The following DACH1 variants were observed in gnomAD, a reference collection of about 807,000 sequenced individuals.
DACH1 encodes the protein dachshund homolog 1.
A neutral mutation model predicts 54.2 loss-of-function variants in DACH1; 12 were observed. That is an observed-to-expected ratio of 0.22 (90% confidence interval 0.14 to 0.36). The LOEUF is 0.36. Among genes scored for constraint, DACH1 ranks in the 10% least tolerant of loss-of-function variants. The pLI is 1.00. For synonymous variants in DACH1, 386 were observed against 366.2 expected, an observed-to-expected ratio of 1.05 and a Z score of -0.62; for missense variants, 805 against 929.8, an observed-to-expected ratio of 0.87 and a Z score of 1.75.
intron 1 of DACH1, among the ~76,000 whole-genome samples, chr13:71,792,917 C>T (rs1339515698): frequency 6.6e-6 from 1 of 152,068 alleles, no homozygotes. Context: ...AGGTAAGTAG[C>T]CTACAGTGGA....
chr13:71,807,404 A>G lies in DACH1; in HGVS notation c.848+58518T>C, dbSNP rs2138141489. On this transcript the variant is annotated intron_variant, in intron 1 of 10. Coordinates refer to ENST00000613252, the MANE Select transcript of DACH1 (RefSeq NM_080759.6). ...TGTCATTTTATAACGTTCTGTCAGT[A>G]TTTATCACAGATTGCAAAAAAAAAA... Among the ~76,000 whole-genome samples the G allele has an allele frequency of 2.5e-5, 3 of 120,874 alleles. No individual in the cohort carries two copies. In the Middle Eastern group the frequency reaches 0.016, roughly 636 times the overall value. The allele number at this position is 120,874 out of a possible 152,430, so 79.3% of individuals were successfully genotyped here. A position where few individuals can be genotyped will look rare whatever the true frequency, so the allele number is the denominator to read the frequency against.
chr13:71,712,455 C>T (rs1331711299), intron 1 of DACH1, among the ~76,000 whole-genome samples: 1 of 152,010 alleles, frequency 6.6e-6, no homozygotes, highest in Non-Finnish European at 1.5e-5. Flanking sequence ...TTTATAGGCT[C>T]AGAGGACAAA....
At chr13:71,610,096 GA>G (rs554449080) in intron 3 of DACH1, among the ~76,000 whole-genome samples, 25 of 148,826 alleles carry the variant, frequency 1.7e-4, no homozygotes, top group East Asian at 2.0e-4. Flanking sequence ...TACACTGATA[GA>G]AAAAAAAAAT....
At chr13:71,613,297 A>G (rs1027683400) in intron 3 of DACH1, among the ~76,000 whole-genome samples, 1 of 152,314 alleles carries the variant, frequency 6.6e-6, no homozygotes, top group Admixed American at 6.5e-5. Context: ...GGAAGAATGA[A>G]AAGGGGAAGA....
At chr13:71,806,098 T>C (rs1444250738) in intron 1 of DACH1, among the ~76,000 whole-genome samples, 1 of 152,180 alleles carries the variant, frequency 6.6e-6, no homozygotes, top group African/African-American at 2.4e-5. Context: ...TCAGCCACTG[T>C]ACCTGGCCAA....
intron 2 of DACH1, among the ~76,000 whole-genome samples, chr13:71,671,195 T>C (rs951217086): frequency 1.1e-4 from 16 of 151,912 alleles, no homozygotes; most frequent in African/African-American, 3.9e-4. Context: ...TTTCCTCCTA[T>C]TGACTAATTT....
intron 7 of DACH1, among the ~76,000 whole-genome samples, chr13:71,479,518 T>C (rs892521199): frequency 2.0e-5 from 3 of 152,138 alleles, no homozygotes; most frequent in Non-Finnish European, 4.4e-5. Flanking sequence ...AAGACAAATA[T>C]TTATGGCATG....
At chr13:71,774,364 T>A (rs1211865181) in intron 1 of DACH1, among the ~76,000 whole-genome samples, 1 of 152,126 alleles carries the variant, frequency 6.6e-6, no homozygotes. Context: ...GTTATCAACA[T>A]GCAAATAGAC....
chr13:71,450,887 G>A (rs1181934431), intron 10 of DACH1, among the ~76,000 whole-genome samples: 1 of 152,136 alleles, frequency 6.6e-6, no homozygotes, highest in Non-Finnish European at 1.5e-5. Context: ...GGTTAAGAGA[G>A]AGGGTATTAA....
chr13:71,481,361 A>T (rs2138186387), intron 7 of DACH1, among the ~76,000 whole-genome samples: 1 of 152,342 alleles, frequency 6.6e-6, no homozygotes, highest in Middle Eastern at 3.4e-3. Flanking sequence ...TTTAAATGTG[A>T]AACAATCATT....
At chr13:71,605,769 CAG>C (rs1376276999) in intron 3 of DACH1, among the ~76,000 whole-genome samples, 1 of 151,812 alleles carries the variant, frequency 6.6e-6, no homozygotes, top group Non-Finnish European at 1.5e-5. Flanking sequence ...TTTCCCCATG[CAG>C]AGTCTAGAAA....
intron 2 of DACH1, among the ~76,000 whole-genome samples, chr13:71,635,390 C>T (rs1416161666): frequency 6.6e-6 from 1 of 152,078 alleles, no homozygotes; most frequent in African/African-American, 2.4e-5. Context: ...TTCTCAAATC[C>T]CTTCCAATTT....
chr13:71,617,729 T>A (rs1875889370), intron 3 of DACH1, among the ~76,000 whole-genome samples: 1 of 152,176 alleles, frequency 6.6e-6, no homozygotes, highest in Non-Finnish European at 1.5e-5. Context: ...AGTACAGATA[T>A]AAATAAAGCT....
intron 3 of DACH1, among the ~76,000 whole-genome samples, chr13:71,584,491 C>A (rs1873084149): frequency 6.6e-6 from 1 of 151,992 alleles, no homozygotes; most frequent in Non-Finnish European, 1.5e-5. Context: ...CTTGTGTGTG[C>A]AAATTACTAT....
intron 6 of DACH1, among the ~76,000 whole-genome samples, chr13:71,527,167 A>G (rs948592397): frequency 7.2e-5 from 11 of 151,762 alleles, no homozygotes; most frequent in African/African-American, 2.4e-4. Context: ...CAATTATTTA[A>G]ATTAGTAAAT....
intron 10 of DACH1, among the ~76,000 whole-genome samples, chr13:71,458,506 A>AG (rs1228981135): frequency 1.3e-5 from 2 of 151,850 alleles, no homozygotes; most frequent in African/African-American, 2.4e-5. Context: ...TACATCTCTT[A>AG]GGGAAAAAAT....
intron 3 of DACH1, among the ~76,000 whole-genome samples, chr13:71,581,501 G>A (rs955475938): frequency 2.6e-5 from 4 of 152,070 alleles, no homozygotes; most frequent in Non-Finnish European, 4.4e-5. Context: ...GTGATCTGCC[G>A]CCTCGTCTTC....
intron 1 of DACH1, among the ~76,000 whole-genome samples, chr13:71,833,121 G>A (rs941204134): frequency 6.6e-6 from 1 of 151,886 alleles, no homozygotes; most frequent in South Asian, 2.1e-4. Context: ...TTGTAAGAGA[G>A]AGCCAACATT....
intron 6 of DACH1, among the ~76,000 whole-genome samples, chr13:71,543,444 T>A (rs1883263037): frequency 6.6e-6 from 1 of 152,096 alleles, no homozygotes. Context: ...ACATTTCAAT[T>A]CAGAGGAAAA....
Sources: allele counts gnomAD v4.1 joint callset (sites outside exome capture counted in the v4.1 genomes callset), GRCh38; gene constraint gnomAD v4.1.1; transcripts MANE v1.5; gene names NCBI Gene and HGNC (gene_info 2026-07-23, HGNC 2026-07-21).